The following RRAS2 variants were observed in gnomAD, a reference collection of about 807,000 sequenced individuals.
The protein encoded by RRAS2 is RAS related 2.
In RRAS2, 7 loss-of-function variants were observed where a neutral mutation model predicts 27.6. That is an observed-to-expected ratio of 0.25 (90% CI 0.14 to 0.48). The LOEUF is 0.48. RRAS2 is among the 20% of genes least tolerant of loss of function. The probability of loss-of-function intolerance (pLI) is 0.99; values close to 1 mark genes in which losing one functional copy is unlikely to be tolerated. For synonymous variants in RRAS2, 86 were observed against 90.9 expected, an observed-to-expected ratio of 0.95 and a Z score of 0.31; for missense variants, 178 against 256.2, an observed-to-expected ratio of 0.69 and a Z score of 2.08.
upstream of RRAS2, chr11:14,359,213 C>A: frequency 1.2e-5 from 3 of 256,264 alleles, no homozygotes; most frequent in South Asian, 3.2e-4. Flanking sequence ...TGAGGTGCTG[C>A]ATATGCATGA....
chr11:14,342,275 GATC>G (rs1334271551), intron 1 of RRAS2, among the ~76,000 whole-genome samples: 2 of 152,148 alleles, frequency 1.3e-5, no homozygotes, highest in Non-Finnish European at 2.9e-5. Flanking sequence ...GTGAGAAGAG[GATC>G]ATATTTAGAA....
intron 1 of RRAS2, among the ~76,000 whole-genome samples, chr11:14,355,324 T>G (rs1002430849): frequency 6.6e-6 from 1 of 152,140 alleles, no homozygotes; most frequent in Non-Finnish European, 1.5e-5. Flanking sequence ...CCCAGCAGTC[T>G]CTCCTAACCA....
intron 1 of RRAS2, among the ~76,000 whole-genome samples, chr11:14,309,479 A>T (rs1399513573): frequency 6.6e-6 from 1 of 152,206 alleles, no homozygotes; most frequent in Non-Finnish European, 1.5e-5. Flanking sequence ...CAAACATAAT[A>T]CATCAGAGGT....
intron 1 of RRAS2, among the ~76,000 whole-genome samples, chr11:14,321,330 T>C (rs2133996820): frequency 6.6e-6 from 1 of 152,326 alleles, no homozygotes; most frequent in South Asian, 2.1e-4. Context: ...GAAATGGTGG[T>C]GGGACAGGGA....
At chr11:14,363,601 T>C (rs1849217301), upstream of RRAS2, among the ~76,000 whole-genome samples, 1 of 151,704 alleles carries the variant, frequency 6.6e-6, no homozygotes, top group South Asian at 2.1e-4. Context: ...AAACCCTGTC[T>C]CTACTAAAAG....
intron 1 of RRAS2, among the ~76,000 whole-genome samples, chr11:14,351,518 G>A (rs1260553438): frequency 2.0e-5 from 3 of 152,270 alleles, no homozygotes; most frequent in African/African-American, 7.2e-5. Context: ...CATAAGGTCA[G>A]GAGTTCAAGA....
At chr11:14,344,645 G>T (rs562013796) in intron 1 of RRAS2, among the ~76,000 whole-genome samples, 4 of 152,190 alleles carry the variant, frequency 2.6e-5, no homozygotes, top group African/African-American at 9.6e-5. Flanking sequence ...CCAAAAACAG[G>T]CATTAAGAGA....
chr11:14,359,122 C>T lies in RRAS2; in HGVS notation c.-252G>A, dbSNP rs1849151561. 9.6e-7 allele frequency: 1 copy of T among 1,047,008 alleles called. No individual in the cohort carries two copies. Among genetic ancestry groups the T allele is most frequent in the South Asian group, 4.6e-5 (1 of 21,850 alleles). The allele number at this position is 1,047,008 out of a possible 1,614,324, so 64.9% of individuals were successfully genotyped here. On this transcript the variant is annotated 5_prime_UTR_variant, in exon 1 of 6. Transcript: ENST00000256196. ...GCGGCAGCGGCCGGGGGGCGCGCTC[C>T]TCTACGCGTCTCCGCAGCGCCTGCC...
chr11:14,328,293 G>T (rs1005893958), intron 1 of RRAS2, among the ~76,000 whole-genome samples: 3 of 150,504 alleles, frequency 2.0e-5, no homozygotes, highest in Admixed American at 6.6e-5. Flanking sequence ...TTGAACCCAG[G>T]AGGTGGAGGT....
At chr11:14,329,099 G>T (rs983447521) in intron 1 of RRAS2, among the ~76,000 whole-genome samples, 39 of 94,490 alleles carry the variant, frequency 4.1e-4, no homozygotes, top group African/African-American at 1.6e-3. Flanking sequence ...ACACACACAC[G>T]CATATACATA....
In RRAS2 at chr11:14,298,670, C is replaced by T. The variant is rs778976443; in HGVS notation, c.109-2815G>A. Among the ~76,000 whole-genome samples, 8 of 152,284 alleles carry T rather than the reference C, an allele frequency of 5.3e-5. No homozygotes were observed. In the East Asian group the frequency reaches 1.5e-3, roughly 29 times the overall value. ...ATCTTTGCTGTGTCCTATCTTCATA[C>T]TTTGTCTACAGAGACCATCATCTAC... On this transcript the variant is annotated intron_variant, in intron 1 of 5. Transcript: ENST00000256196.
At chr11:14,339,019 C>A (rs901988430) in intron 1 of RRAS2, among the ~76,000 whole-genome samples, 2 of 152,088 alleles carry the variant, frequency 1.3e-5, no homozygotes, top group Admixed American at 6.5e-5. Flanking sequence ...CACCACCACG[C>A]CATTTATCTG....
chr11:14,312,710 T>G (rs1848002832), intron 1 of RRAS2, among the ~76,000 whole-genome samples: 1 of 152,220 alleles, frequency 6.6e-6, no homozygotes, highest in Non-Finnish European at 1.5e-5. Flanking sequence ...TGTGAGCCAC[T>G]GCACCCAGCC....
At chr11:14,331,105 A>T (rs910690153) in intron 1 of RRAS2, among the ~76,000 whole-genome samples, 2 of 152,208 alleles carry the variant, frequency 1.3e-5, no homozygotes, top group Non-Finnish European at 2.9e-5. Flanking sequence ...TTTAAAGAAC[A>T]TAAAATTTAA....
intron 1 of RRAS2, among the ~76,000 whole-genome samples, chr11:14,315,013 T>G (rs1848064984): frequency 6.6e-6 from 1 of 152,228 alleles, no homozygotes; most frequent in Non-Finnish European, 1.5e-5. Flanking sequence ...ATATTTCATT[T>G]AAATAGCCAT....
intron 4 of RRAS2, among the ~76,000 whole-genome samples, chr11:14,285,298 C>T (rs1849632249): frequency 6.6e-6 from 1 of 152,086 alleles, no homozygotes; most frequent in African/African-American, 2.4e-5. Context: ...CCTAAAGTCC[C>T]AGCTACTTGG....
chr11:14,300,319 T>C (rs1847666267), intron 1 of RRAS2, among the ~76,000 whole-genome samples: 1 of 152,110 alleles, frequency 6.6e-6, no homozygotes, highest in South Asian at 2.1e-4. Context: ...TGTCAGGAGA[T>C]GTGGAGAAAC....
intron 4 of RRAS2, among the ~76,000 whole-genome samples, chr11:14,287,319 T>C (rs575109669): frequency 6.6e-6 from 1 of 152,314 alleles, no homozygotes; most frequent in African/African-American, 2.4e-5. Flanking sequence ...ACATGTTAAG[T>C]AAATGGTGTA....
chr11:14,311,892 T>TCTCAC (rs2133984411), intron 1 of RRAS2, among the ~76,000 whole-genome samples: 1 of 150,222 alleles, frequency 6.7e-6, no homozygotes, highest in African/African-American at 2.4e-5. Flanking sequence ...TGAGATAGAG[T>TCTCAC]CTCACTCTGT....
Sources: allele counts gnomAD v4.1 joint callset (sites outside exome capture counted in the v4.1 genomes callset), GRCh38; gene constraint gnomAD v4.1.1; transcripts MANE v1.5; gene names NCBI Gene and HGNC (gene_info 2026-07-23, HGNC 2026-07-21).